DNAJC15: variants seen among roughly 807,000 people sequenced by gnomAD.
DNAJC15 encodes DnaJ heat shock protein family (Hsp40) member C15.
In DNAJC15, 27 loss-of-function variants were observed where a neutral mutation model predicts 22.4. That is an observed-to-expected ratio of 1.20 (90% CI 0.89 to 1.66). DNAJC15 has a LOEUF of 1.66. DNAJC15 is among the 40% of genes most tolerant of loss of function. DNAJC15 has a pLI of 0.00. For synonymous variants in DNAJC15, 79 were observed against 63.2 expected (o/e 1.25, Z -1.19); for missense variants, 208 against 187.1 (o/e 1.11, Z -0.65).
At chr13:43,055,418 G>T (rs181714077) in intron 1 of DNAJC15, among the ~76,000 whole-genome samples, 49 of 152,160 alleles carry the variant, frequency 3.2e-4, no homozygotes, top group Non-Finnish European at 1.5e-5. Context: ...ACTCACTCGG[G>T]ACCCATCTCT....
chr13:43,086,938 G>A (rs1176562544), intron 5 of DNAJC15, among the ~76,000 whole-genome samples: 1 of 152,132 alleles, frequency 6.6e-6, no homozygotes, highest in East Asian at 1.9e-4. Context: ...TGAAAGAATG[G>A]ACTTCGGAGC....
intron 1 of DNAJC15, among the ~76,000 whole-genome samples, chr13:43,035,879 C>G (rs2040426578): frequency 6.6e-6 from 1 of 151,892 alleles, no homozygotes; most frequent in Non-Finnish European, 1.5e-5. Context: ...TGCCATCATG[C>G]CTGGCTAAAT....
At chr13:43,063,301 C>CGTCCA (rs560613447) in intron 1 of DNAJC15, among the ~76,000 whole-genome samples, 3 of 152,246 alleles carry the variant, frequency 2.0e-5, no homozygotes, top group Admixed American at 6.5e-5. Flanking sequence ...TGAGCCACCG[C>CGTCCA]GTCCAGCTTT....
At chr13:43,066,778 A>G (rs2040586136) in intron 2 of DNAJC15, among the ~76,000 whole-genome samples, 1 of 152,130 alleles carries the variant, frequency 6.6e-6, no homozygotes, top group Non-Finnish European at 1.5e-5. Flanking sequence ...GCCAGCCACC[A>G]TGCCCAGCTA....
rs536340768 is a variant in DNAJC15 at position 43,073,687 on chromosome 13, T to C, written c.234+4684T>C. On this transcript the variant is annotated intron_variant, in intron 3 of 5. Transcript: ENST00000379221. ...TTTTTCTGTACATGCAAATTTTACCTAGGATTTCTTTAAACTTTCTGGTTT... is the reference window on the plus strand; with the variant it reads ...TTTTTCTGTACATGCAAATTTTACCCAGGATTTCTTTAAACTTTCTGGTTT... Among the ~76,000 whole-genome samples, 10 of 152,320 alleles carry C rather than the reference T, an allele frequency of 6.6e-5. No homozygotes were observed. In the South Asian group the frequency reaches 2.1e-3, roughly 32 times the overall value.
chr13:43,036,586 GC>G (rs1488752359), intron 1 of DNAJC15, among the ~76,000 whole-genome samples: 1 of 152,204 alleles, frequency 6.6e-6, no homozygotes, highest in East Asian at 1.9e-4. Flanking sequence ...TAGGCTTCAG[GC>G]CAGTCCTAGC....
Position 43,107,524 on chromosome 13 carries a change from T to TAC in DNAJC15, c.*307_*308dup, listed in dbSNP as rs57085120. ...TTTTGTTATGTTCTGAATTCCCCCC[T>TAC]ACACACACACACACACACACACACA... is the stretch of plus-strand genomic sequence containing the variant. On this transcript the variant is annotated 3_prime_UTR_variant, in exon 6 of 6. Transcript: ENST00000379221. 1,438 of 161,654 alleles carry TAC rather than the reference T, an allele frequency of 8.9e-3. 14 individuals carry two copies. Among genetic ancestry groups the TAC allele is most frequent in the East Asian group, 0.026 (161 of 6,144 alleles). 10.0% of individuals were successfully genotyped at this position (161,654 alleles called of 1,614,324 possible).
At chr13:43,045,781 C>T (rs1464854548) in intron 1 of DNAJC15, among the ~76,000 whole-genome samples, 3 of 152,140 alleles carry the variant, frequency 2.0e-5, no homozygotes, top group South Asian at 2.1e-4. Flanking sequence ...CTCTCTCTTC[C>T]CTCACTCTCA....
At chr13:43,059,233 T>G (rs1033736755) in intron 1 of DNAJC15, among the ~76,000 whole-genome samples, 2 of 152,178 alleles carry the variant, frequency 1.3e-5, no homozygotes, top group African/African-American at 4.8e-5. Context: ...GTCTATTAAT[T>G]TTATTATTAA....
At chr13:43,063,491 G>T (rs1028710960) in intron 1 of DNAJC15, among the ~76,000 whole-genome samples, 1 of 152,154 alleles carries the variant, frequency 6.6e-6, no homozygotes, top group Non-Finnish European at 1.5e-5. Flanking sequence ...AAAGGCCACA[G>T]ATCTTTATAA....
At chr13:43,026,262 T>C (rs1306957510) in intron 1 of DNAJC15, among the ~76,000 whole-genome samples, 4 of 152,220 alleles carry the variant, frequency 2.6e-5, no homozygotes, top group East Asian at 1.9e-4. Flanking sequence ...TTATATATAA[T>C]GAAGTTCTGG....
At chr13:43,028,096 AAGAAATTGTTGAATGAATG>A (rs549551310) in intron 1 of DNAJC15, among the ~76,000 whole-genome samples, 185 of 152,364 alleles carry the variant, frequency 1.2e-3, no homozygotes, top group East Asian at 0.01. Context: ...ACATTCCAAA[AAGAAATTGTTGAATGAATG>A]AATGTTATTC....
chr13:43,026,055 C>A (rs182693571), intron 1 of DNAJC15, among the ~76,000 whole-genome samples: 73 of 152,270 alleles, frequency 4.8e-4, no homozygotes, highest in African/African-American at 1.4e-3. Flanking sequence ...GCTACCAATG[C>A]AAATTGTTTA....
At chr13:43,050,770 A>C (rs765722154) in intron 1 of DNAJC15, among the ~76,000 whole-genome samples, 9 of 152,190 alleles carry the variant, frequency 5.9e-5, no homozygotes, top group Non-Finnish European at 8.8e-5. Context: ...AGATTTAAAA[A>C]ATTTTTTTAG....
At chr13:43,067,765 T>C (rs1229827269) in intron 2 of DNAJC15, among the ~76,000 whole-genome samples, 1 of 152,148 alleles carries the variant, frequency 6.6e-6, no homozygotes. Context: ...TTTAACTGCT[T>C]TTTAACTGAG....
intron 5 of DNAJC15, among the ~76,000 whole-genome samples, chr13:43,105,018 G>A (rs1396975365): frequency 6.6e-6 from 1 of 151,350 alleles, no homozygotes; most frequent in Admixed American, 6.6e-5. Context: ...TAAATTTAGG[G>A]TATGCATCCT....
intron 1 of DNAJC15, among the ~76,000 whole-genome samples, chr13:43,062,020 T>C (rs1275834755): frequency 6.6e-6 from 1 of 152,226 alleles, no homozygotes; most frequent in East Asian, 1.9e-4. Flanking sequence ...TATGTAGTGA[T>C]GATTTTATCA....
intron 1 of DNAJC15, among the ~76,000 whole-genome samples, chr13:43,054,996 C>T (rs2040522490): frequency 1.3e-5 from 2 of 151,540 alleles, no homozygotes; most frequent in Admixed American, 1.3e-4. Context: ...CACAATGGGC[C>T]CCAGTAAAAA....
intron 3 of DNAJC15, among the ~76,000 whole-genome samples, chr13:43,073,683 T>A (rs574908312): frequency 6.6e-6 from 1 of 152,336 alleles, no homozygotes; most frequent in South Asian, 2.1e-4. Flanking sequence ...ATGCAAATTT[T>A]ACCTAGGATT....
Sources: allele counts gnomAD v4.1 joint callset (sites outside exome capture counted in the v4.1 genomes callset), GRCh38; gene constraint gnomAD v4.1.1; transcripts MANE v1.5; gene names NCBI Gene and HGNC (gene_info 2026-07-23, HGNC 2026-07-21).